BCKDHB: variants seen among roughly 807,000 people sequenced by gnomAD.
The protein encoded by BCKDHB is 2-oxoisovalerate dehydrogenase subunit beta, mitochondrial.
In BCKDHB, 41 loss-of-function variants were observed where a neutral mutation model predicts 48.5. That is an observed-to-expected ratio of 0.85 (90% CI 0.66 to 1.10). The LOEUF (loss-of-function observed/expected upper bound fraction) is 1.10. BCKDHB is among the 50% of genes least tolerant of loss of function. The probability of loss-of-function intolerance (pLI) is 0.00; values close to 1 mark genes in which losing one functional copy is unlikely to be tolerated. For missense variants in BCKDHB, 496 were observed against 494.2 expected (o/e 1.00, Z -0.03); for synonymous variants, 201 against 174.8 (o/e 1.15, Z -1.18).
chr6:80,426,113 G>A, the BCKDHB span, among the ~76,000 whole-genome samples: 1 of 152,116 alleles, frequency 6.6e-6, no homozygotes, highest in African/African-American at 2.4e-5. Context: ...TCTTATATCT[G>A]CCAGGTTTTC....
the BCKDHB span, among the ~76,000 whole-genome samples, chr6:80,466,293 C>T: frequency 2.8e-3 from 433 of 152,052 alleles, no homozygotes; most frequent in East Asian, 7.0e-3. Flanking sequence ...CTCTTATTTA[C>T]GTACATTATT....
chr6:80,183,509 A>G (rs1773507566), intron 6 of BCKDHB, among the ~76,000 whole-genome samples: 1 of 152,128 alleles, frequency 6.6e-6, no homozygotes, highest in Admixed American at 6.5e-5. Context: ...CCACATACCC[A>G]CTGACCTCAA....
At chr6:80,260,063 T>C (rs1301743510) in intron 8 of BCKDHB, among the ~76,000 whole-genome samples, 2 of 152,214 alleles carry the variant, frequency 1.3e-5, no homozygotes, top group African/African-American at 2.4e-5. Context: ...CTTCCTTTGC[T>C]TTAAAACATT....
chr6:80,245,719 C>T (rs1190270486), intron 8 of BCKDHB, among the ~76,000 whole-genome samples: 4 of 152,090 alleles, frequency 2.6e-5, no homozygotes, highest in African/African-American at 9.7e-5. Context: ...TGTCATGGCC[C>T]TTCTTTTCTA....
chr6:80,361,442 ATTG>A, the BCKDHB span, among the ~76,000 whole-genome samples: 1 of 152,124 alleles, frequency 6.6e-6, no homozygotes, highest in Non-Finnish European at 1.5e-5. Context: ...AGGAGTTATG[ATTG>A]TTGTTATTAT....
the BCKDHB span, among the ~76,000 whole-genome samples, chr6:80,463,668 T>C: frequency 1.3e-5 from 2 of 152,120 alleles, no homozygotes; most frequent in African/African-American, 2.4e-5. Context: ...CCATAACTAA[T>C]AGAAAGAAAG....
chr6:80,158,675 C>T (rs1360254477), intron 3 of BCKDHB, among the ~76,000 whole-genome samples: 2 of 152,122 alleles, frequency 1.3e-5, no homozygotes, highest in Admixed American at 6.5e-5. Context: ...GCTGAAATGA[C>T]CAGGCCTTTG....
At chr6:80,117,762 C>T (rs1323582848) in intron 1 of BCKDHB, among the ~76,000 whole-genome samples, 1 of 152,228 alleles carries the variant, frequency 6.6e-6, no homozygotes, top group Non-Finnish European at 1.5e-5. Context: ...TTTAGTTAAT[C>T]TATAATCTAT....
intron 1 of BCKDHB, among the ~76,000 whole-genome samples, chr6:80,126,456 A>G (rs1770344659): frequency 6.6e-6 from 1 of 152,312 alleles, no homozygotes; most frequent in South Asian, 2.1e-4. Context: ...TGTGACCCAC[A>G]CTGGGAATTA....
At chr6:80,246,362 C>T (rs1776613365) in intron 8 of BCKDHB, among the ~76,000 whole-genome samples, 2 of 152,096 alleles carry the variant, frequency 1.3e-5, no homozygotes, top group African/African-American at 2.4e-5. Context: ...TGACCTTTGT[C>T]TTCATGTTAT....
At chr6:80,182,779 A>G (rs1773471639) in intron 6 of BCKDHB, among the ~76,000 whole-genome samples, 2 of 152,170 alleles carry the variant, frequency 1.3e-5, no homozygotes, top group Non-Finnish European at 2.9e-5. Context: ...TTTTCTATCC[A>G]TTTAGTCAAG....
At chr6:80,292,622 A>G (rs950101265) in intron 9 of BCKDHB, among the ~76,000 whole-genome samples, 1 of 152,018 alleles carries the variant, frequency 6.6e-6, no homozygotes, top group Non-Finnish European at 1.5e-5. Context: ...CCCAAATACC[A>G]TGTCCTCACA....
intron 3 of BCKDHB, among the ~76,000 whole-genome samples, chr6:80,141,334 G>T (rs1056029414): frequency 6.6e-6 from 1 of 152,030 alleles, no homozygotes; most frequent in African/African-American, 2.4e-5. Context: ...GATTAGTCAT[G>T]AAATAAGAGG....
At chr6:80,364,291 C>CACAAATG in the BCKDHB span, among the ~76,000 whole-genome samples, 1 of 152,086 alleles carries the variant, frequency 6.6e-6, no homozygotes, top group Non-Finnish European at 1.5e-5. Flanking sequence ...CAAGACACAC[C>CACAAATG]ACAAATGACC....
chr6:80,384,954 G>A, the BCKDHB span, among the ~76,000 whole-genome samples: 1 of 152,158 alleles, frequency 6.6e-6, no homozygotes, highest in Non-Finnish European at 1.5e-5. Flanking sequence ...ATAGTATGGA[G>A]AACACTGATA....
intron 1 of BCKDHB, among the ~76,000 whole-genome samples, chr6:80,118,349 C>A (rs1205440877): frequency 6.6e-6 from 1 of 152,100 alleles, no homozygotes; most frequent in Non-Finnish European, 1.5e-5. Context: ...TCTAAAAGAT[C>A]AATGTACATA....
intron 3 of BCKDHB, among the ~76,000 whole-genome samples, chr6:80,147,264 G>T (rs958217102): frequency 6.6e-6 from 1 of 152,092 alleles, no homozygotes; most frequent in African/African-American, 2.4e-5. Context: ...TCATCTTTCT[G>T]TGATTAAACC....
intron 8 of BCKDHB, among the ~76,000 whole-genome samples, chr6:80,259,410 G>A (rs1416187590): frequency 6.6e-6 from 1 of 152,178 alleles, no homozygotes; most frequent in East Asian, 1.9e-4. Context: ...CAATAACATT[G>A]AAAGCTATGT....
chr6:80,162,825 G>A (rs1008581953), intron 3 of BCKDHB, among the ~76,000 whole-genome samples: 1 of 152,148 alleles, frequency 6.6e-6, no homozygotes, highest in Middle Eastern at 3.4e-3. Flanking sequence ...CATTCCAGCC[G>A]GGTGACAGAG....
Sources: gnomAD v4.1 joint callset for allele counts (sites outside exome capture counted in the v4.1 genomes callset) on GRCh38, gnomAD v4.1.1 for gene constraint, MANE v1.5 for transcripts, NCBI Gene and HGNC (gene_info 2026-07-23, HGNC 2026-07-21) for gene names.